Variants in MCTP2 observed in about 807,000 individuals in gnomAD.
The protein encoded by MCTP2 is multiple C2 and transmembrane domain-containing protein 2.
MCTP2 carries 132 observed loss-of-function variants against 111.6 expected under a neutral mutation model. That is an observed-to-expected ratio of 1.18 (90% confidence interval 1.03 to 1.37). The LOEUF (loss-of-function observed/expected upper bound fraction) is 1.37, where lower values mean the gene tolerates loss of function less well. MCTP2 is among the 40% of genes most tolerant of loss of function. The pLI, the probability that MCTP2 is intolerant of heterozygous loss-of-function variation, is 0.00. For missense variants in MCTP2, 1,183 were observed against 1,067.9 expected, an observed-to-expected ratio of 1.11 and a Z score of -1.50; for synonymous variants, 395 against 387.7, an observed-to-expected ratio of 1.02 and a Z score of -0.22.
At chr15:94,463,808 C>T (rs913057553) in intron 20 of MCTP2, among the ~76,000 whole-genome samples, 1 of 152,150 alleles carries the variant, frequency 6.6e-6, no homozygotes, top group African/African-American at 2.4e-5. Context: ...CTTTCCCTAA[C>T]ATTTTCACCT....
intron 8 of MCTP2, among the ~76,000 whole-genome samples, chr15:94,350,270 A>T (rs1164087717): frequency 2.0e-5 from 3 of 152,164 alleles, no homozygotes; most frequent in Non-Finnish European, 4.4e-5. Flanking sequence ...GAGGCAAGAG[A>T]GGTGCTCTGG....
chr15:94,458,859 A>G (rs1278786609), intron 20 of MCTP2, among the ~76,000 whole-genome samples: 1 of 152,238 alleles, frequency 6.6e-6, no homozygotes, highest in Non-Finnish European at 1.5e-5. Flanking sequence ...GTAACAGTTA[A>G]TATGTAAATG....
chr15:94,403,054 A>T (rs2081683442), intron 17 of MCTP2: 2 of 987,842 alleles, frequency 2.0e-6, no homozygotes, highest in African/African-American at 3.5e-5. Flanking sequence ...CAACATTTTT[A>T]TGCCATCAAG....
intron 17 of MCTP2, among the ~76,000 whole-genome samples, chr15:94,405,846 T>A (rs2081870760): frequency 6.6e-6 from 1 of 152,234 alleles, no homozygotes; most frequent in East Asian, 1.9e-4. Context: ...TCTTGCCTTT[T>A]CTAAGGTTTA....
Position 94,430,548 on chromosome 15 carries a change from A to G in MCTP2, c.2086-9628A>G, listed in dbSNP as rs188135921. 8.7e-4 allele frequency among the ~76,000 whole-genome samples: 126 copies of G among 145,452 alleles called. 1 individual carries two copies. Among genetic ancestry groups the G allele is most frequent in the South Asian group, 5.4e-3 (24 of 4,452 alleles). On this transcript the variant is annotated intron_variant, in intron 17 of 22. Transcript: ENST00000357742. ...GGAGTTTGAAACCAGCCTGGCCAAC[A>G]TGGTGAAACCCCTTCTCTACTAAAA... is the stretch of plus-strand genomic sequence containing the variant.
chr15:94,480,599 G>A lies in MCTP2; in HGVS notation c.*1565G>A, dbSNP rs1353037959. The A allele has an allele frequency of 6.6e-6, 1 of 152,196 alleles. No individual in the cohort carries two copies. The highest frequency in any genetic ancestry group is 1.5e-5 in the Non-Finnish European group (1 of 68,034). 9.4% of individuals were successfully genotyped at this position (152,196 alleles called of 1,614,324 possible). The stretch of plus-strand genomic sequence containing the variant: ...CCCAAGAACCTCTTTTGTTAAACCA[G>A]TTACTCAATCTTCTGTGTAAACAAT... On this transcript the variant is annotated 3_prime_UTR_variant, in exon 23 of 23. Coordinates refer to ENST00000357742, the MANE Select transcript of MCTP2 (RefSeq NM_001385001.1).
intron 1 of MCTP2, among the ~76,000 whole-genome samples, chr15:94,232,879 G>T (rs1430923948): frequency 3.3e-5 from 5 of 152,176 alleles, no homozygotes; most frequent in Admixed American, 6.5e-5. Flanking sequence ...TTAAGAATTA[G>T]CTCTGTGCCA....
intron 17 of MCTP2, among the ~76,000 whole-genome samples, chr15:94,411,980 C>T (rs2082172438): frequency 6.6e-6 from 1 of 152,016 alleles, no homozygotes; most frequent in Admixed American, 6.6e-5. Flanking sequence ...AAGGAAAAAA[C>T]CCAAAACAAA....
At chr15:94,355,003 G>T (rs569555406) in intron 8 of MCTP2, among the ~76,000 whole-genome samples, 16 of 152,172 alleles carry the variant, frequency 1.1e-4, no homozygotes, top group Non-Finnish European at 2.4e-4. Flanking sequence ...CAATAAAGAA[G>T]CCTATGCTTG....
chr15:94,279,237 T>C (rs529561426), intron 1 of MCTP2, among the ~76,000 whole-genome samples: 2 of 152,170 alleles, frequency 1.3e-5, no homozygotes, highest in South Asian at 2.1e-4. Context: ...TAGTGATTCC[T>C]CCAATTCAAG....
intron 17 of MCTP2, among the ~76,000 whole-genome samples, chr15:94,413,511 C>T (rs1596631916): frequency 6.6e-6 from 1 of 151,486 alleles, no homozygotes; most frequent in Non-Finnish European, 1.5e-5. Flanking sequence ...GGCTAGGTTT[C>T]ACTTCTATAA....
intron 1 of MCTP2, among the ~76,000 whole-genome samples, chr15:94,247,791 T>A (rs2072125126): frequency 1.3e-5 from 2 of 152,206 alleles, no homozygotes; most frequent in Admixed American, 1.3e-4. Flanking sequence ...CTCTTTAGGT[T>A]GATGAACTCC....
Position 94,479,203 on chromosome 15 carries a change from A to T in MCTP2, c.*169A>T. The stretch of plus-strand genomic sequence containing the variant: ...TGCACAGACATACACACATGTGCAC[A>T]CACCCTCATGCATGGGTGTCCTAGT... On this transcript the variant is annotated 3_prime_UTR_variant, in exon 23 of 23. Transcript: ENST00000357742. The T allele has an allele frequency of 1.5e-6, 1 of 662,888 alleles. No homozygotes were observed. Among genetic ancestry groups the T allele is most frequent in the South Asian group, 1.8e-5 (1 of 56,278 alleles). 41.1% of individuals were successfully genotyped at this position (662,888 alleles called of 1,614,324 possible).
At chr15:94,360,733 G>A (rs2078885196) in intron 10 of MCTP2, among the ~76,000 whole-genome samples, 2 of 151,630 alleles carry the variant, frequency 1.3e-5, no homozygotes, top group South Asian at 4.2e-4. Context: ...GATGTCTCTT[G>A]TAATCCATGT....
chr15:94,476,728 C>A lies in MCTP2; in HGVS notation c.2503C>A (p.Pro835Thr). ...INKFTKKLRN[P>T]YSIDNNELLD... The stretch of plus-strand genomic sequence containing the variant: ...TAAATTTACTAAGAAGCTTCGAAAT[C>A]CCTATTCCATCGACAATAATGAGCT... Residue 835 changes from proline to threonine, a missense_variant, in exon 22 of 23, where the codon CCC becomes ACC. By Grantham distance (38) the Pro-to-Thr change is conservative. Transcript: ENST00000357742. 1 of 1,607,188 alleles carries A rather than the reference C, an allele frequency of 6.2e-7. No individual in the cohort carries two copies. The highest frequency in any genetic ancestry group is 8.5e-7 in the Non-Finnish European group (1 of 1,174,002).
chr15:94,382,732 G>A (rs146696303), intron 12 of MCTP2, among the ~76,000 whole-genome samples: 174 of 152,350 alleles, frequency 1.1e-3, no homozygotes, highest in African/African-American at 3.6e-3. Flanking sequence ...CCCTGGCCTG[G>A]GACTCCTTGG....
chr15:94,475,350 T>A (rs1014745912), intron 21 of MCTP2, among the ~76,000 whole-genome samples: 2 of 152,128 alleles, frequency 1.3e-5, no homozygotes, highest in Non-Finnish European at 2.9e-5. Flanking sequence ...AATGGCTGGC[T>A]CCCATTTGCA....
intron 16 of MCTP2, among the ~76,000 whole-genome samples, chr15:94,401,067 A>T (rs1473534769): frequency 6.6e-6 from 1 of 152,124 alleles, no homozygotes; most frequent in Non-Finnish European, 1.5e-5. Flanking sequence ...ATTGAAATGA[A>T]TCTGCCTGCA....
At chr15:94,450,654 T>G (rs2084389201) in intron 19 of MCTP2, among the ~76,000 whole-genome samples, 1 of 152,216 alleles carries the variant, frequency 6.6e-6, no homozygotes, top group African/African-American at 2.4e-5. Context: ...TAAAGGTATA[T>G]TTTTGCATCT....
Sources: gnomAD v4.1 joint callset for allele counts (sites outside exome capture counted in the v4.1 genomes callset) on GRCh38, gnomAD v4.1.1 for gene constraint, MANE v1.5 for transcripts, NCBI Gene and HGNC (gene_info 2026-07-23, HGNC 2026-07-21) for gene names.